The following NCAPH variants were observed in gnomAD, a reference collection of about 807,000 sequenced individuals.
The protein encoded by NCAPH is condensin complex subunit 2.
Under a neutral mutation model 85.5 loss-of-function variants are expected in NCAPH, and 38 were observed. The ratio of observed to expected loss-of-function variants is 0.44; its 90% CI spans 0.34 to 0.58. NCAPH has a LOEUF of 0.58. Among genes scored for constraint, NCAPH ranks in the 20% least tolerant of loss-of-function variants. The pLI is 0.01. For missense variants in NCAPH, 789 were observed against 916.6 expected, an observed-to-expected ratio of 0.86 and a Z score of 1.80; for synonymous variants, 301 against 335.1, an observed-to-expected ratio of 0.90 and a Z score of 1.11.
intron 17 of NCAPH, among the ~76,000 whole-genome samples, chr2:96,370,119 A>C (rs2064753066): frequency 6.6e-6 from 1 of 152,212 alleles, no homozygotes; most frequent in Non-Finnish European, 1.5e-5. Context: ...GATACCACAG[A>C]GAGGGCAGCC....
Position 96,366,053 on chromosome 2 carries a change from C to CAG in NCAPH, c.1878_1879dup (p.Lys627ArgfsTer3). 1 of 1,614,124 alleles carries CAG rather than the reference C, an allele frequency of 6.2e-7. No homozygotes were observed. Among genetic ancestry groups the CAG allele is most frequent in the Non-Finnish European group, 8.5e-7 (1 of 1,179,982 alleles). ...GGAGTCAAACTTGGTAGCTGAGCCTCAGAAGGTACGGATGAAACAGCTGAG... is the reference window on the plus strand; with the variant it reads ...GGAGTCAAACTTGGTAGCTGAGCCTCAGAGAAGGTACGGATGAAACAGCTGAG... On this transcript the variant is annotated frameshift_variant, in exon 14 of 18. Coordinates refer to ENST00000240423, the MANE Select transcript of NCAPH (RefSeq NM_015341.5). LOFTEE classifies it high-confidence loss of function.
Position 96,368,860 on chromosome 2 carries a change from T to C in NCAPH, c.1999-112T>C, listed in dbSNP as rs1027188432. Reference sequence around the variant, plus strand: ...TTTTTCTTCAAAATAACTAAGAAATTTGTTTTCATTTTGTTTAGGTATAGA... The same window carrying C: ...TTTTTCTTCAAAATAACTAAGAAATCTGTTTTCATTTTGTTTAGGTATAGA... On this transcript the variant is annotated intron_variant, in intron 15 of 17. Transcript: ENST00000240423. 3 of 871,002 alleles carry C rather than the reference T, an allele frequency of 3.4e-6. No individual in the cohort carries two copies. The African/African-American group carries it at 5.1e-5, about 15-fold the overall frequency. 54.0% of individuals were successfully genotyped at this position (871,002 alleles called of 1,614,324 possible).
chr2:96,358,679 A>C (rs999530451), intron 9 of NCAPH, among the ~76,000 whole-genome samples: 2 of 152,166 alleles, frequency 1.3e-5, no homozygotes, highest in African/African-American at 4.8e-5. Context: ...TGTGTTAGCC[A>C]GGGTGGTCTC....
intron 1 of NCAPH, among the ~76,000 whole-genome samples, chr2:96,337,146 G>C (rs2064224717): frequency 6.6e-6 from 1 of 152,232 alleles, no homozygotes; most frequent in African/African-American, 2.4e-5. Context: ...TGAATGAATG[G>C]ATGCATAATA....
Position 96,343,281 on chromosome 2 carries a change from A to T in NCAPH, c.572A>T (p.Glu191Val). ...CTGGGCAAAGATGCACCGTCTTTGG[A>T]AGAAGTAGAAGGCCATGTTGCTGGT... Reference protein sequence around the residue: ...GGLGKDAPSLEEVEGHVADGS... With the variant: ...GGLGKDAPSLVEVEGHVADGS... Residue 191 changes from glutamate (E) to valine (V), a missense_variant, in exon 5 of 18, where the codon GAA (glutamate) becomes GTA (valine). Glu to Val is a moderately radical substitution (Grantham distance 121, BLOSUM62 -2). Transcript: ENST00000240423. 6.2e-7 allele frequency: 1 copy of T among 1,613,128 alleles called. No individual in the cohort carries two copies.
At chr2:96,346,641 G>T (rs899635830) in intron 6 of NCAPH, among the ~76,000 whole-genome samples, 3 of 152,138 alleles carry the variant, frequency 2.0e-5, no homozygotes, top group Non-Finnish European at 2.9e-5. Flanking sequence ...TAGATTGTAG[G>T]CCTGGTGGGG....
At chr2:96,342,655 G>A (rs1573065316) in intron 3 of NCAPH, 101 bp from the exon 4 acceptor site, 1 of 897,310 alleles carries the variant, frequency 1.1e-6, no homozygotes, top group Non-Finnish European at 1.8e-6. Flanking sequence ...CAATATGTGG[G>A]TATTCCTATG....
chr2:96,367,351 C>A lies in NCAPH; in HGVS notation c.1976C>A (p.Ser659Tyr), dbSNP rs1412572325. ...QSMWSLLTAL[S>Y]GKEADAEANH... ...ATGTGGAGTCTGCTGACAGCGCTCT[C>A]CGGAAAGGAGGCAGATGCAGAGGTC... Residue 659 changes from serine to tyrosine, a missense_variant, in exon 15 of 18, where the codon TCC (serine) becomes TAC (tyrosine). Coordinates refer to ENST00000240423, the MANE Select transcript of NCAPH (RefSeq NM_015341.5). 6.2e-7 allele frequency: 1 copy of A among 1,613,344 alleles called. No homozygotes were observed. The highest frequency in any genetic ancestry group is 1.1e-5 in the South Asian group (1 of 91,044).
rs1220395616 is a variant in NCAPH, at chr2:96,361,806, GTATA to G, written c.1587+1116_1587+1119del. ...TACACATATATATGTATATATATGT[GTATA>G]TATATATATATATATATATTTTTTT... On this transcript the variant is annotated intron_variant, in intron 12 of 17. Coordinates refer to ENST00000240423, the MANE Select transcript of NCAPH (RefSeq NM_015341.5). 9.9e-4 allele frequency among the ~76,000 whole-genome samples: 76 copies of G among 76,758 alleles called. 1 individual carries two copies. The highest frequency in any genetic ancestry group is 2.4e-3 in the East Asian group (6 of 2,456). 50.4% of individuals were successfully genotyped at this position (76,758 alleles called of 152,430 possible).
intron 10 of NCAPH, 91 bp downstream of exon 10, chr2:96,359,284 A>G (rs1414112404): frequency 6.0e-6 from 9 of 1,487,720 alleles, no homozygotes; most frequent in Non-Finnish European, 8.3e-6. Context: ...TGCCAGTCAC[A>G]GCCCTGTTGT....
In NCAPH at chr2:96,348,918, G is replaced by A. The variant is rs1228640147; in HGVS notation, c.721-2913G>A. On this transcript the variant is annotated intron_variant, in intron 6 of 17. Transcript: ENST00000240423. ...ACCCACTGGGGCTCCCAAAGTGCTG[G>A]GATTACAGACGCGAGCCACCGCTCC... Among the ~76,000 whole-genome samples, 4 of 151,974 alleles carry A rather than the reference G, an allele frequency of 2.6e-5. No homozygotes were observed. In the East Asian group the frequency reaches 7.7e-4, roughly 29 times the overall value.
At chr2:96,369,124 C>G in intron 16 of NCAPH, 61 bp downstream of exon 16, 1 of 1,467,342 alleles carries the variant, frequency 6.8e-7, no homozygotes, top group Admixed American at 2.1e-5. Context: ...GTCCGCGTGG[C>G]AGGCCTTCCA....
At chr2:96,348,299 C>T (rs2064388672) in intron 6 of NCAPH, among the ~76,000 whole-genome samples, 1 of 151,668 alleles carries the variant, frequency 6.6e-6, no homozygotes, top group South Asian at 2.1e-4. Flanking sequence ...ACGCCATTCT[C>T]CTGCCTCAGC....
intron 10 of NCAPH, chr2:96,359,516 C>T (rs1238147516): frequency 1.5e-5 from 5 of 333,294 alleles, no homozygotes; most frequent in Non-Finnish European, 1.1e-5. Flanking sequence ...CTAGAGGGCA[C>T]ACAGGAGCTA....
At position 96,364,992 on chromosome 2, in the gene NCAPH, CA is replaced by C. The variant is rs1390404991; in HGVS notation, c.1698+407del. On this transcript the variant is annotated intron_variant, in intron 13 of 17. Coordinates refer to ENST00000240423, the MANE Select transcript of NCAPH (RefSeq NM_015341.5). ...TCACACCATATGTGATCTGGTGTGG[CA>C]AAAAATAAGTCTTCGGGGTGTATCT... Among the ~76,000 whole-genome samples, 80 of 152,142 alleles carry C rather than the reference CA, an allele frequency of 5.3e-4. 1 individual carries two copies. The highest frequency in any genetic ancestry group is 1.2e-4 in the Non-Finnish European group (8 of 67,968).
intron 6 of NCAPH, 48 bp from the exon 7 acceptor site, chr2:96,351,783 C>T: frequency 6.7e-7 from 1 of 1,495,258 alleles, no homozygotes; most frequent in South Asian, 1.3e-5. Flanking sequence ...TTATCTTTCC[C>T]TTGGCTACAT....
chr2:96,343,851 T>G (rs1558790387), intron 5 of NCAPH, among the ~76,000 whole-genome samples: 2 of 151,990 alleles, frequency 1.3e-5, no homozygotes, highest in Admixed American at 1.3e-4. Flanking sequence ...CAGGTGTGCA[T>G]CTCCATGTCT....
chr2:96,345,435 G>C (rs987702056), intron 6 of NCAPH, among the ~76,000 whole-genome samples: 1 of 152,222 alleles, frequency 6.6e-6, no homozygotes, highest in Non-Finnish European at 1.5e-5. Flanking sequence ...ATCTGCCAGT[G>C]GGGTTCAGCT....
At position 96,373,426 on chromosome 2, in the gene NCAPH, A is replaced by G; in HGVS notation, c.*75A>G. On this transcript the variant is annotated 3_prime_UTR_variant, in exon 18 of 18. Transcript: ENST00000240423. Reference sequence around the variant, plus strand: ...CCGGGACATCCCCAGTCTCGGGGGAAGAAGATGCCATGGGCTTATACCCAG... The same window carrying G: ...CCGGGACATCCCCAGTCTCGGGGGAGGAAGATGCCATGGGCTTATACCCAG... The G allele has an allele frequency of 2.1e-6, 3 of 1,416,206 alleles. No individual in the cohort carries two copies. The highest frequency in any genetic ancestry group is 1.7e-5 in the Admixed American group (1 of 58,686). The allele number at this position is 1,416,206 out of a possible 1,614,324, so 87.7% of individuals were successfully genotyped here. A position where few individuals can be genotyped will look rare whatever the true frequency, so the allele number is the denominator to read the frequency against.
Sources: allele counts gnomAD v4.1 joint callset (sites outside exome capture counted in the v4.1 genomes callset), GRCh38; gene constraint gnomAD v4.1.1; transcripts MANE v1.5; gene names NCBI Gene and HGNC (gene_info 2026-07-23, HGNC 2026-07-21).